Variants in SNX29 observed in about 807,000 individuals in gnomAD.
SNX29 encodes the protein sorting nexin-29.
In SNX29, 78 loss-of-function variants were observed where a neutral mutation model predicts 102.1. The observed-to-expected ratio is 0.76, with a 90% confidence interval of 0.64 to 0.92. SNX29 has a LOEUF of 0.92. Among genes scored for constraint, SNX29 ranks in the 40% least tolerant of loss-of-function variants. The pLI is 0.00. For missense variants in SNX29, 1,280 were observed against 1,061.7 expected (o/e 1.21, Z -2.86); for synonymous variants, 580 against 414.5 (o/e 1.40, Z -4.85).
intron 20 of SNX29, chr16:12,557,763 CAG>C (rs1263865182): frequency 1.5e-4 from 23 of 152,318 alleles, no homozygotes; most frequent in African/African-American, 3.4e-4. Flanking sequence ...CACTAAGCAA[CAG>C]ATATTTTTCA....
At chr16:12,417,415 G>A (rs1207481519) in intron 18 of SNX29, among the ~76,000 whole-genome samples, 3 of 152,174 alleles carry the variant, frequency 2.0e-5, no homozygotes, top group African/African-American at 4.8e-5. Flanking sequence ...AGGGCCAGGG[G>A]CAATGAGGAC....
intron 13 of SNX29, among the ~76,000 whole-genome samples, chr16:12,160,017 C>A (rs976671994): frequency 6.6e-6 from 1 of 152,234 alleles, no homozygotes; most frequent in Admixed American, 6.5e-5. Flanking sequence ...CTAAGTAAGT[C>A]CCTTTCCAAA....
At chr16:12,006,306 G>A (rs933625178) in intron 3 of SNX29, among the ~76,000 whole-genome samples, 3 of 151,474 alleles carry the variant, frequency 2.0e-5, no homozygotes, top group Middle Eastern at 3.2e-3. Context: ...ACCTGAAGTC[G>A]GGAGTTTGAG....
chr16:12,374,792 G>C (rs1024454663), intron 16 of SNX29: 1 of 152,114 alleles, frequency 6.6e-6, no homozygotes, highest in African/African-American at 2.4e-5. Flanking sequence ...ATGGGACCTG[G>C]GCACCTCTCA....
At chr16:12,555,067 G>T (rs1169945952) in intron 20 of SNX29, among the ~76,000 whole-genome samples, 1 of 152,084 alleles carries the variant, frequency 6.6e-6, no homozygotes, top group East Asian at 1.9e-4. Flanking sequence ...GGTTGGAGTT[G>T]TGGGGAGGTG....
chr16:12,231,574 C>T (rs924027058), intron 14 of SNX29, among the ~76,000 whole-genome samples: 2 of 151,984 alleles, frequency 1.3e-5, no homozygotes, highest in African/African-American at 4.8e-5. Flanking sequence ...AAAACTTTTA[C>T]TATACTGTAA....
intron 10 of SNX29, among the ~76,000 whole-genome samples, chr16:12,074,337 C>T (rs1242993154): frequency 1.3e-5 from 2 of 152,002 alleles, no homozygotes; most frequent in Non-Finnish European, 2.9e-5. Flanking sequence ...TTAGTGCCTC[C>T]TTCAGGAGCT....
intron 18 of SNX29, among the ~76,000 whole-genome samples, chr16:12,408,181 A>AAAAAC (rs2084251924): frequency 2.0e-5 from 3 of 148,750 alleles, no homozygotes; most frequent in South Asian, 2.2e-4. Context: ...AACAAACAAA[A>AAAAAC]AAAAAACTAG....
At chr16:12,148,302 C>T (rs557185513) in intron 13 of SNX29, among the ~76,000 whole-genome samples, 10 of 152,252 alleles carry the variant, frequency 6.6e-5, no homozygotes, top group East Asian at 1.9e-4. Context: ...TTAAAAATGG[C>T]GACCTAGCGT....
chr16:12,500,258 A>G (rs950512607), intron 19 of SNX29, among the ~76,000 whole-genome samples: 1 of 152,312 alleles, frequency 6.6e-6, no homozygotes, highest in South Asian at 2.1e-4. Flanking sequence ...TCAGTCTCCC[A>G]AAGTGCTAGG....
chr16:12,477,196 G>A (rs1597526422), intron 18 of SNX29, among the ~76,000 whole-genome samples: 1 of 152,194 alleles, frequency 6.6e-6, no homozygotes, highest in Non-Finnish European at 1.5e-5. Context: ...ATTCGGTCTA[G>A]TGGGGCAGAT....
chr16:12,281,345 A>G (rs2079424224), intron 15 of SNX29, among the ~76,000 whole-genome samples: 1 of 152,178 alleles, frequency 6.6e-6, no homozygotes, highest in African/African-American at 2.4e-5. Flanking sequence ...ATCTATCTGC[A>G]CATACACACT....
At position 12,406,937 on chromosome 16, in the gene SNX29, G is replaced by A. The variant is rs188243655; in HGVS notation, c.2037+3408G>A. The stretch of plus-strand genomic sequence containing the variant: ...AAGAAAGAAAGAAAATGAAAGATTC[G>A]GCTCCTCAGTTGCACCACATTTCAC... On this transcript the variant is annotated intron_variant, in intron 18 of 20. Transcript: ENST00000566228. Among the ~76,000 whole-genome samples, 9 of 152,220 alleles carry A rather than the reference G, an allele frequency of 5.9e-5. No homozygotes were observed. In the East Asian group the frequency reaches 1.4e-3, roughly 23 times the overall value.
chr16:12,566,411 G>C (rs565950352), intron 20 of SNX29, among the ~76,000 whole-genome samples: 7 of 80,552 alleles, frequency 8.7e-5, no homozygotes, highest in Non-Finnish European at 1.5e-4. Context: ...CTCAGAGCCT[G>C]TTACCTCCAG....
At chr16:12,126,758 A>T in intron 12 of SNX29, 62 bp downstream of exon 12, 1 of 1,560,884 alleles carries the variant, frequency 6.4e-7, no homozygotes. Context: ...TCTGGGGAAG[A>T]CAGAATATAA....
At chr16:12,531,847 TTCAGGTAGCAG>T (rs1398398663) in intron 20 of SNX29, among the ~76,000 whole-genome samples, 1 of 152,188 alleles carries the variant, frequency 6.6e-6, no homozygotes, top group Non-Finnish European at 1.5e-5. Context: ...GTGAGCTGCC[TTCAGGTAGCAG>T]TTTCTCCCAG....
intron 18 of SNX29, among the ~76,000 whole-genome samples, chr16:12,417,142 G>A (rs1337673346): frequency 6.6e-6 from 1 of 152,208 alleles, no homozygotes; most frequent in East Asian, 1.9e-4. Flanking sequence ...AATCAGGGGC[G>A]GTTTGCATTC....
At chr16:12,210,740 A>T (rs73504103) in intron 14 of SNX29, among the ~76,000 whole-genome samples, 5 of 150,486 alleles carry the variant, frequency 3.3e-5, no homozygotes, top group Non-Finnish European at 7.4e-5. Flanking sequence ...TCCCTCCCTC[A>T]TTCCCTCCCT....
At chr16:12,031,291 C>G (rs1045736718) in intron 4 of SNX29, among the ~76,000 whole-genome samples, 2 of 151,716 alleles carry the variant, frequency 1.3e-5, no homozygotes, top group African/African-American at 2.4e-5. Flanking sequence ...AGGCTGGTCT[C>G]GAACTCCTGG....
Sources: gnomAD v4.1 joint callset for allele counts (sites outside exome capture counted in the v4.1 genomes callset) on GRCh38, gnomAD v4.1.1 for gene constraint, MANE v1.5 for transcripts, NCBI Gene and HGNC (gene_info 2026-07-23, HGNC 2026-07-21) for gene names.